Variants in DOCK1 observed in about 807,000 individuals in gnomAD.
DOCK1 encodes the protein dedicator of cytokinesis protein 1.
DOCK1 carries 138 observed loss-of-function variants against 262.7 expected under a neutral mutation model. That is an observed-to-expected ratio of 0.53 (90% CI 0.46 to 0.61). The LOEUF (loss-of-function observed/expected upper bound fraction) is 0.61, where lower values mean the gene tolerates loss of function less well. DOCK1 is among the 20% of genes least tolerant of loss of function. The pLI is 0.00. For synonymous variants in DOCK1, 866 were observed against 867.4 expected (o/e 1.00, Z 0.03); for missense variants, 1,908 against 2,370.7 (o/e 0.80, Z 4.05).
chr10:127,392,283 A>C (rs375003150), intron 38 of DOCK1, among the ~76,000 whole-genome samples: 1 of 151,922 alleles, frequency 6.6e-6, no homozygotes, highest in African/African-American at 2.4e-5. Flanking sequence ...ATTTCTGAGA[A>C]GCTCCCAGGT....
intron 23 of DOCK1, among the ~76,000 whole-genome samples, chr10:127,080,822 G>T (rs922780790): frequency 2.0e-5 from 3 of 152,022 alleles, no homozygotes. Flanking sequence ...TCTTTTATTT[G>T]TCATAAGCGA....
intron 29 of DOCK1, among the ~76,000 whole-genome samples, chr10:127,314,937 CAG>C (rs2062209934): frequency 6.6e-6 from 1 of 152,342 alleles, no homozygotes; most frequent in South Asian, 2.1e-4. Context: ...CATGGGCAGA[CAG>C]ATATCTAGAA....
chr10:126,999,515 C>T lies in DOCK1; in HGVS notation c.849+80C>T, dbSNP rs565653770. 104 of 1,192,346 alleles carry T rather than the reference C, an allele frequency of 8.7e-5. 3 individuals are homozygous for T. The highest frequency in any genetic ancestry group is 6.3e-4 in the South Asian group (49 of 77,400). 73.9% of individuals were successfully genotyped at this position (1,192,346 alleles called of 1,614,324 possible). On this transcript the variant is annotated intron_variant, in intron 9 of 51. Transcript: ENST00000623213. ...TTAGCCATTTCTGTCTGCCTTCCTG[C>T]GACACTAGAACATGGGTCCCTGGGA...
At position 127,012,204 on chromosome 10, in the gene DOCK1, G is replaced by A. The variant is rs1391603693; in HGVS notation, c.1059-28G>A. 1 of 1,258,204 alleles carries A rather than the reference G, an allele frequency of 7.9e-7. No individual in the cohort carries two copies. Among genetic ancestry groups the A allele is most frequent in the South Asian group, 1.2e-5 (1 of 83,280 alleles). 77.9% of individuals were successfully genotyped at this position (1,258,204 alleles called of 1,614,324 possible). A position where few individuals can be genotyped will look rare whatever the true frequency, so the allele number is the denominator to read the frequency against. ...GGGTCTCTGTGCCCCTTTGTCTCCT[G>A]TGGTCTTGGTCGTCCCGTGCCCTCC... On this transcript the variant is annotated intron_variant, in intron 11 of 51. Transcript: ENST00000623213. This position sits in a 1 kb window ranked among gnomAD's most constrained non-coding sequence, Gnocchi z 4.0.
rs117564451 is a variant in DOCK1 at position 127,099,657 on chromosome 10, G to A, written c.2446-6574G>A. ...CAGCTCTCACGTGAACTAATAGAGC[G>A]GGAACTCACTGGTTACTGCGAGGAA... is the stretch of plus-strand genomic sequence containing the variant. On this transcript the variant is annotated intron_variant, in intron 23 of 51. Transcript: ENST00000623213. Among the ~76,000 whole-genome samples the A allele has an allele frequency of 5.9e-5, 9 of 152,202 alleles. No homozygotes were observed. The East Asian group carries it at 1.4e-3, about 23-fold the overall frequency.
At chr10:127,241,273 C>T (rs780147170) in intron 27 of DOCK1, among the ~76,000 whole-genome samples, 19 of 152,154 alleles carry the variant, frequency 1.2e-4, no homozygotes, top group Non-Finnish European at 2.2e-4. Flanking sequence ...GAGCTGAGAT[C>T]GCACCACTGC....
chr10:127,401,636 A>G (rs775646959), intron 38 of DOCK1, among the ~76,000 whole-genome samples: 5 of 152,176 alleles, frequency 3.3e-5, no homozygotes, highest in Non-Finnish European at 5.9e-5. Context: ...CTTATCAGGA[A>G]GCTGCTGATC....
chr10:127,230,263 A>G (rs1013494588), intron 27 of DOCK1, among the ~76,000 whole-genome samples: 7 of 152,070 alleles, frequency 4.6e-5, no homozygotes, highest in Non-Finnish European at 8.8e-5. Flanking sequence ...AGAGCTTTCT[A>G]GTTTGATTTA....
chr10:127,439,312 G>T, intron 49 of DOCK1, 87 bp downstream of exon 49: 2 of 1,350,924 alleles, frequency 1.5e-6, no homozygotes, highest in Non-Finnish European at 2.0e-6. Flanking sequence ...GCTGACGGTG[G>T]GCTCTTATTG....
At chr10:127,258,386 A>T (rs2059900839) in intron 29 of DOCK1, among the ~76,000 whole-genome samples, 1 of 152,240 alleles carries the variant, frequency 6.6e-6, no homozygotes, top group Non-Finnish European at 1.5e-5. Flanking sequence ...ACATAAGTGT[A>T]ATCATACAGT....
intron 10 of DOCK1, among the ~76,000 whole-genome samples, chr10:127,007,173 G>A (rs968749598): frequency 1.2e-4 from 19 of 152,108 alleles, no homozygotes; most frequent in Admixed American, 1.1e-3. Flanking sequence ...ACAGCCGTGG[G>A]CTCCTGGCTC....
At chr10:127,068,349 A>T (rs912501239) in intron 23 of DOCK1, among the ~76,000 whole-genome samples, 1 of 152,156 alleles carries the variant, frequency 6.6e-6, no homozygotes, top group East Asian at 1.9e-4. Context: ...TGTGTTAGGG[A>T]TGATGATAAT....
chr10:127,347,916 C>T (rs924144058), intron 31 of DOCK1, among the ~76,000 whole-genome samples: 1 of 118,028 alleles, frequency 8.5e-6, no homozygotes, highest in Admixed American at 8.6e-5. Flanking sequence ...TAAGCCCTTG[C>T]AGCTCCTCAC....
At chr10:127,135,773 T>A (rs1454700972) in intron 27 of DOCK1, 9 of 152,670 alleles carry the variant, frequency 5.9e-5, no homozygotes, top group African/African-American at 2.2e-4. Flanking sequence ...ACAGTGACAT[T>A]ATTTTGTGTA....
At chr10:127,216,898 A>C (rs746694266) in intron 27 of DOCK1, among the ~76,000 whole-genome samples, 31 of 152,170 alleles carry the variant, frequency 2.0e-4, no homozygotes, top group Non-Finnish European at 4.1e-4. Context: ...TGTGGTGAGT[A>C]CATGTCGTGG....
At chr10:127,106,594 G>A (rs928018370) in intron 24 of DOCK1, among the ~76,000 whole-genome samples, 1 of 152,122 alleles carries the variant, frequency 6.6e-6, no homozygotes, top group Non-Finnish European at 1.5e-5. Flanking sequence ...TTGAATTTCA[G>A]TATGTGGTTG....
At chr10:126,928,862 A>G (rs923041025) in intron 1 of DOCK1, among the ~76,000 whole-genome samples, 7 of 152,228 alleles carry the variant, frequency 4.6e-5, no homozygotes, top group East Asian at 3.9e-4. Flanking sequence ...ATTTTGTACA[A>G]TCACCCCATA....
intron 22 of DOCK1, among the ~76,000 whole-genome samples, chr10:127,055,867 A>G (rs2075410926): frequency 6.6e-6 from 1 of 152,152 alleles, no homozygotes; most frequent in African/African-American, 2.4e-5. Context: ...TGGGACAGGA[A>G]GTGTTTAGTG....
chr10:127,181,356 G>T (rs2055718242), intron 27 of DOCK1, among the ~76,000 whole-genome samples: 1 of 152,178 alleles, frequency 6.6e-6, no homozygotes, highest in Non-Finnish European at 1.5e-5. Flanking sequence ...TCCATTAGCT[G>T]CCAAGAGAAA....
Sources: gnomAD v4.1 joint callset for allele counts (sites outside exome capture counted in the v4.1 genomes callset) on GRCh38, gnomAD v4.1.1 for gene constraint, Gnocchi (gnomAD v3.1) non-coding constraint, MANE v1.5 for transcripts, NCBI Gene and HGNC (gene_info 2026-07-23, HGNC 2026-07-21) for gene names.